The following SFXN5 variants were observed in gnomAD, a reference collection of about 807,000 sequenced individuals.
SFXN5 encodes the protein sideroflexin 5, also known as sideroflexin-5.
A neutral mutation model predicts 50.2 loss-of-function variants in SFXN5; 43 were observed. That is an observed-to-expected ratio of 0.86 (90% confidence interval 0.67 to 1.11). SFXN5 has a LOEUF of 1.11. Among genes scored for constraint, SFXN5 ranks in the 50% least tolerant of loss-of-function variants. SFXN5 has a pLI of 0.00. For missense variants in SFXN5, 463 were observed against 454.1 expected (o/e 1.02, Z -0.18); for synonymous variants, 203 against 185.8 (o/e 1.09, Z -0.75).
chr2:73,031,822 A>G (rs1678344203), intron 3 of SFXN5, among the ~76,000 whole-genome samples: 1 of 152,204 alleles, frequency 6.6e-6, no homozygotes, highest in African/African-American at 2.4e-5. Flanking sequence ...ACTAACTTAC[A>G]TAGCCTGCCT....
chr2:73,048,864 A>T (rs1680853432), intron 2 of SFXN5, among the ~76,000 whole-genome samples: 1 of 152,382 alleles, frequency 6.6e-6, no homozygotes, highest in Admixed American at 6.5e-5. Context: ...TCCATTATAA[A>T]GGTACCCTTT....
chr2:73,025,432 G>A (rs1023499026), intron 3 of SFXN5, among the ~76,000 whole-genome samples: 8 of 152,140 alleles, frequency 5.3e-5, no homozygotes, highest in African/African-American at 1.2e-4. Context: ...TGCTCAATAC[G>A]TGCTTAATGA....
chr2:72,990,691 A>T (rs1323591201), intron 9 of SFXN5, among the ~76,000 whole-genome samples: 1 of 152,206 alleles, frequency 6.6e-6, no homozygotes, highest in African/African-American at 2.4e-5. Context: ...TCAAGGATAG[A>T]CATCTATTAT....
At chr2:72,990,334 A>C (rs1672430277) in intron 9 of SFXN5, among the ~76,000 whole-genome samples, 2 of 152,214 alleles carry the variant, frequency 1.3e-5, no homozygotes, top group African/African-American at 4.8e-5. Context: ...TCAGTGGTAC[A>C]GTGGGCAGGG....
chr2:72,960,898 G>A lies in SFXN5; in HGVS notation c.945+233C>T, dbSNP rs2105380451. ...TCTGCTGTCTCCTTCCACACCCAGTGGAGCTTCTCCCACCCTAACGCTCCT... is the reference window on the plus strand; with the variant it reads ...TCTGCTGTCTCCTTCCACACCCAGTAGAGCTTCTCCCACCCTAACGCTCCT... On this transcript the variant is annotated intron_variant, in intron 13 of 13. Coordinates refer to ENST00000272433, the MANE Select transcript of SFXN5 (RefSeq NM_144579.3). The surrounding 1 kb of genome is among the most constrained non-coding windows in gnomAD (Gnocchi z 6.1). 6.6e-6 allele frequency among the ~76,000 whole-genome samples: 1 copy of A among 152,250 alleles called. No individual in the cohort carries two copies. Among genetic ancestry groups the A allele is most frequent in the African/African-American group, 2.4e-5 (1 of 41,548 alleles).
rs1239165881 is a variant in SFXN5 at position 73,004,313 on chromosome 2, G to GCACA, written c.358-2736_358-2735insTGTG. Among the ~76,000 whole-genome samples the GCACA allele has an allele frequency of 3.2e-3, 447 of 138,484 alleles. 3 individuals carry two copies. The highest frequency in any genetic ancestry group is 0.012 in the African/African-American group (404 of 32,862). 90.9% of individuals were successfully genotyped at this position (138,484 alleles called of 152,430 possible). ...AGCCAGAGGAGAGGAATGAGTGCGCGCGCACACACACACACACACACACAC... is the reference window on the plus strand; with the variant it reads ...AGCCAGAGGAGAGGAATGAGTGCGCGCACACGCACACACACACACACACACACAC... On this transcript the variant is annotated intron_variant, in intron 6 of 13. Transcript: ENST00000272433.
At chr2:72,994,102 G>T (rs1332266172) in intron 9 of SFXN5, among the ~76,000 whole-genome samples, 3 of 152,092 alleles carry the variant, frequency 2.0e-5, no homozygotes, top group African/African-American at 7.2e-5. Context: ...TTATGCCACA[G>T]GGGGTGCAGC....
chr2:72,998,614 G>A (rs969803560), intron 9 of SFXN5: 4 of 304,208 alleles, frequency 1.3e-5, no homozygotes, highest in East Asian at 7.0e-5. Context: ...CCCCCACCCC[G>A]CTCGCTCCAG....
chr2:72,958,383 C>A (rs1257283407), intron 13 of SFXN5, among the ~76,000 whole-genome samples: 38 of 152,190 alleles, frequency 2.5e-4, no homozygotes, highest in Non-Finnish European at 1.5e-5. Context: ...ACTTCTGCAA[C>A]CTTGGGCTGG....
At chr2:73,046,408 CAA>C (rs113423799) in intron 2 of SFXN5, among the ~76,000 whole-genome samples, 12 of 108,070 alleles carry the variant, frequency 1.1e-4, no homozygotes, top group Non-Finnish European at 8.2e-5. Context: ...GACTCCATCT[CAA>C]AAAAAAAAAA....
Position 72,953,252 on chromosome 2 carries a change from C to T in SFXN5, c.945+7879G>A, listed in dbSNP as rs1001332054. ...GGGCAAACTCCAAGAAAGCAGCGGGCGGGGAGGCAGCAGATTTCTGACGGC... is the reference window on the plus strand; with the variant it reads ...GGGCAAACTCCAAGAAAGCAGCGGGTGGGGAGGCAGCAGATTTCTGACGGC... On this transcript the variant is annotated intron_variant, in intron 13 of 13. Transcript: ENST00000272433. The surrounding 1 kb of genome is among the most constrained non-coding windows in gnomAD (Gnocchi z 4.1). 3.3e-5 allele frequency among the ~76,000 whole-genome samples: 5 copies of T among 152,006 alleles called. No individual in the cohort carries two copies. Among genetic ancestry groups the T allele is most frequent in the South Asian group, 2.1e-4 (1 of 4,826 alleles).
chr2:73,064,975 C>T (rs969607353), intron 1 of SFXN5, among the ~76,000 whole-genome samples: 2 of 152,166 alleles, frequency 1.3e-5, no homozygotes, highest in African/African-American at 2.4e-5. Flanking sequence ...TTTGTAGAGA[C>T]GGGGTTTCGC....
At chr2:73,000,694 C>T (rs1220094570) in intron 7 of SFXN5, among the ~76,000 whole-genome samples, 1 of 152,174 alleles carries the variant, frequency 6.6e-6, no homozygotes, top group African/African-American at 2.4e-5. Flanking sequence ...CCCTGCCTCT[C>T]GGGAAGTCTC....
At chr2:73,014,306 T>C (rs1308882436) in intron 6 of SFXN5, among the ~76,000 whole-genome samples, 1 of 152,204 alleles carries the variant, frequency 6.6e-6, no homozygotes, top group African/African-American at 2.4e-5. Context: ...CAGCACCATA[T>C]AATACTATTA....
chr2:73,049,933 G>C (rs1430881406), intron 2 of SFXN5: 1 of 149,672 alleles, frequency 6.7e-6, no homozygotes, highest in Non-Finnish European at 1.5e-5. Context: ...TGGTGGGACA[G>C]GCACAAGACG....
At chr2:73,029,140 C>A (rs1468449528) in intron 3 of SFXN5, among the ~76,000 whole-genome samples, 1 of 152,148 alleles carries the variant, frequency 6.6e-6, no homozygotes, top group Non-Finnish European at 1.5e-5. Context: ...GAGCCTCCCA[C>A]GGAGAATCCA....
Position 72,992,351 on chromosome 2 carries a change from G to A in SFXN5, c.535-4003C>T, listed in dbSNP as rs758676909. Among the ~76,000 whole-genome samples the A allele has an allele frequency of 7.9e-5, 12 of 152,134 alleles. No homozygotes were observed. The highest frequency in any genetic ancestry group is 1.6e-4 in the Non-Finnish European group (11 of 68,020). On this transcript the variant is annotated intron_variant, in intron 9 of 13. Transcript: ENST00000272433. This position sits in a 1 kb window ranked among gnomAD's most constrained non-coding sequence, Gnocchi z 4.5. ...TAGCCTTAAGTACCAAGGGCTTTCC[G>A]GGCCAACAACAGGCCAGCAAGGAGA... is the stretch of plus-strand genomic sequence containing the variant.
intron 9 of SFXN5, among the ~76,000 whole-genome samples, chr2:72,990,292 G>A (rs1672424897): frequency 6.6e-6 from 1 of 152,242 alleles, no homozygotes; most frequent in Admixed American, 6.5e-5. Flanking sequence ...AAGGCTGGGA[G>A]GCAGCCAGGG....
chr2:73,013,850 C>T (rs190617800), intron 6 of SFXN5, among the ~76,000 whole-genome samples: 56 of 152,196 alleles, frequency 3.7e-4, no homozygotes, highest in African/African-American at 1.3e-3. Flanking sequence ...TGTTCTCCTG[C>T]TAAATTTCAT....
Sources: allele counts gnomAD v4.1 joint callset (sites outside exome capture counted in the v4.1 genomes callset), GRCh38; gene constraint gnomAD v4.1.1; non-coding constraint Gnocchi (gnomAD v3.1); transcripts MANE v1.5; gene names NCBI Gene and HGNC (gene_info 2026-07-23, HGNC 2026-07-21).